Variants in NCAM1 observed in about 807,000 individuals in gnomAD.
NCAM1 encodes the protein neural cell adhesion molecule 1.
In NCAM1, 14 loss-of-function variants were observed where a neutral mutation model predicts 109.8. That is an observed-to-expected ratio of 0.13 (90% CI 0.08 to 0.20). NCAM1 has a LOEUF of 0.20. Ranked by LOEUF, NCAM1 falls within the 10% of genes least tolerant of loss-of-function variation. NCAM1 has a pLI of 1.00. For synonymous variants in NCAM1, 418 were observed against 442.9 expected (o/e 0.94, Z 0.70); for missense variants, 774 against 1,109.9 (o/e 0.70, Z 4.30).
chr11:113,187,150 A>C (rs1943531293), intron 1 of NCAM1, among the ~76,000 whole-genome samples: 1 of 152,226 alleles, frequency 6.6e-6, no homozygotes, highest in Non-Finnish European at 1.5e-5. Context: ...AGATGCAAAA[A>C]TAAGCCAAAT....
At chr11:113,022,493 A>G (rs1454960216) in intron 1 of NCAM1, among the ~76,000 whole-genome samples, 1 of 152,188 alleles carries the variant, frequency 6.6e-6, no homozygotes, top group African/African-American at 2.4e-5. Flanking sequence ...GGCTTCATAT[A>G]AACTTGCGCA....
intron 15 of NCAM1, among the ~76,000 whole-genome samples, chr11:113,254,766 G>A (rs1945792627): frequency 6.6e-6 from 1 of 152,172 alleles, no homozygotes; most frequent in South Asian, 2.1e-4. Context: ...CACCCAGAAG[G>A]TAACTGTTTT....
At chr11:113,109,777 C>A (rs1304664966) in intron 1 of NCAM1, among the ~76,000 whole-genome samples, 2 of 152,040 alleles carry the variant, frequency 1.3e-5, no homozygotes, top group Admixed American at 6.6e-5. Flanking sequence ...GAGGTGTGAT[C>A]TTGAATGTGG....
At chr11:113,240,887 A>C (rs917027684) in intron 14 of NCAM1, 27 of 1,548,476 alleles carry the variant, frequency 1.7e-5, no homozygotes, top group Non-Finnish European at 2.2e-5. Flanking sequence ...CACCAGCCAC[A>C]GTTTGTTTTG....
intron 1 of NCAM1, among the ~76,000 whole-genome samples, chr11:113,039,186 AG>A (rs1952992680): frequency 6.6e-6 from 1 of 152,346 alleles, no homozygotes; most frequent in African/African-American, 2.4e-5. Context: ...TATGTATGAT[AG>A]GTTGTATTGT....
At chr11:113,083,810 T>C (rs782153134) in intron 1 of NCAM1, among the ~76,000 whole-genome samples, 32 of 152,168 alleles carry the variant, frequency 2.1e-4, no homozygotes, top group Non-Finnish European at 3.7e-4. Flanking sequence ...GGCTTTGTCT[T>C]TGAGTGCAGC....
chr11:113,269,707 C>A (rs1555124873), intron 17 of NCAM1: 3 of 196,618 alleles, frequency 1.5e-5, no homozygotes, highest in African/African-American at 4.7e-5. Context: ...GATGGACAAC[C>A]CAACAAGCCC....
chr11:113,197,724 G>C (rs890470617), intron 1 of NCAM1, among the ~76,000 whole-genome samples: 4 of 152,168 alleles, frequency 2.6e-5, no homozygotes, highest in Non-Finnish European at 5.9e-5. Flanking sequence ...TCTGCTGTCA[G>C]CTCCTCCCTC....
At chr11:113,262,525 G>A (rs1353816438) in intron 17 of NCAM1, among the ~76,000 whole-genome samples, 2 of 152,178 alleles carry the variant, frequency 1.3e-5, no homozygotes, top group Admixed American at 1.3e-4. Context: ...ACCCTGCTGT[G>A]CTGCTTCTGG....
At chr11:113,129,219 C>G (rs1279205814) in intron 1 of NCAM1, among the ~76,000 whole-genome samples, 3 of 152,020 alleles carry the variant, frequency 2.0e-5, no homozygotes, top group African/African-American at 7.3e-5. Context: ...TCTCATTTCC[C>G]TAAGAGGACC....
chr11:113,108,036 G>A (rs1940252537), intron 1 of NCAM1, among the ~76,000 whole-genome samples: 1 of 152,120 alleles, frequency 6.6e-6, no homozygotes, highest in South Asian at 2.1e-4. Flanking sequence ...TAGAAAATGG[G>A]TTGTATTCCT....
rs1555117239 is a variant in NCAM1 at position 113,231,669 on chromosome 11, C to A, written c.1114C>A (p.Arg372Ser). 2 of 1,612,452 alleles carry A rather than the reference C, an allele frequency of 1.2e-6. No homozygotes were observed. The highest frequency in any genetic ancestry group is 1.7e-6 in the Non-Finnish European group (2 of 1,178,992). Reference protein sequence around the residue: ...QETLDGHMVVRSHARVSSLTL... With the variant: ...QETLDGHMVVSSHARVSSLTL... Reference sequence around the variant, plus strand: ...GACTCTGGATGGGCACATGGTGGTGCGTAGCCATGCCCGTGTGTCGTCGCT... The same window carrying A: ...GACTCTGGATGGGCACATGGTGGTGAGTAGCCATGCCCGTGTGTCGTCGCT... Residue 372 changes from arginine (R) to serine (S), a missense_variant, in exon 10 of 20, where the codon CGT becomes AGT. Arg to Ser is a moderately radical substitution (Grantham distance 110). Around this residue, in one of 4 missense-constraint regions of NCAM1, gnomAD observed 523 missense variants for 784.2 expected, o/e 0.67. Transcript: ENST00000316851.
At chr11:113,160,563 T>G (rs545277259) in intron 1 of NCAM1, among the ~76,000 whole-genome samples, 1 of 152,308 alleles carries the variant, frequency 6.6e-6, no homozygotes, top group East Asian at 1.9e-4. Flanking sequence ...AGAGCATTTC[T>G]TCCCCTGAAC....
At chr11:113,214,540 C>A in intron 8 of NCAM1, 29 bp downstream of exon 8, 1 of 1,577,406 alleles carries the variant, frequency 6.3e-7, no homozygotes, top group Non-Finnish European at 8.6e-7. Context: ...GTTTCAGGGC[C>A]TTGGAATGCA....
intron 7 of NCAM1, among the ~76,000 whole-genome samples, chr11:113,210,110 C>T (rs1201818998): frequency 6.6e-6 from 1 of 152,124 alleles, no homozygotes; most frequent in East Asian, 1.9e-4. Context: ...ATGAAGCAAA[C>T]ATACATATGT....
chr11:113,119,590 A>G (rs1346586995), intron 1 of NCAM1, among the ~76,000 whole-genome samples: 5 of 152,196 alleles, frequency 3.3e-5, no homozygotes, highest in African/African-American at 1.2e-4. Context: ...AGACTAATAC[A>G]GGTTCCAACC....
At chr11:113,000,145 A>G (rs1951706610) in intron 1 of NCAM1, among the ~76,000 whole-genome samples, 1 of 152,156 alleles carries the variant, frequency 6.6e-6, no homozygotes, top group Non-Finnish European at 1.5e-5. Context: ...TAATATCACT[A>G]TCCGAATGTT....
chr11:113,074,884 G>C (rs1192028686), intron 1 of NCAM1, among the ~76,000 whole-genome samples: 2 of 152,082 alleles, frequency 1.3e-5, no homozygotes, highest in Non-Finnish European at 2.9e-5. Context: ...TGCCCGCCTC[G>C]GCCTCCCAAA....
chr11:113,127,513 T>C (rs1357681891), intron 1 of NCAM1, among the ~76,000 whole-genome samples: 3 of 152,226 alleles, frequency 2.0e-5, no homozygotes, highest in East Asian at 3.8e-4. Flanking sequence ...AATGGAAGTA[T>C]AAATGCAACA....
Sources: allele counts gnomAD v4.1 joint callset (sites outside exome capture counted in the v4.1 genomes callset), GRCh38; gene constraint gnomAD v4.1.1; regional missense constraint gnomAD v4.1.1; transcripts MANE v1.5; gene names NCBI Gene and HGNC (gene_info 2026-07-23, HGNC 2026-07-21).